The following TBC1D5 variants were observed in gnomAD, a reference collection of about 807,000 sequenced individuals.
The protein encoded by TBC1D5 is TBC1 domain family member 5, also known as TBC1 domain family, member 5.
A neutral mutation model predicts 100.3 loss-of-function variants in TBC1D5; 75 were observed. The ratio of observed to expected loss-of-function variants is 0.75; its 90% CI spans 0.62 to 0.91. TBC1D5 has a LOEUF of 0.91. TBC1D5 is among the 40% of genes least tolerant of loss of function. The pLI is 0.00. For missense variants in TBC1D5, 910 were observed against 942.4 expected (o/e 0.97, Z 0.45); for synonymous variants, 323 against 325.6 (o/e 0.99, Z 0.09).
chr3:17,327,688 C>T (rs898484705), intron 13 of TBC1D5, among the ~76,000 whole-genome samples: 1 of 152,068 alleles, frequency 6.6e-6, no homozygotes, highest in African/African-American at 2.4e-5. Context: ...AGATCCCTTC[C>T]CTATTTATTT....
chr3:17,467,906 C>T (rs1185885931), intron 3 of TBC1D5, among the ~76,000 whole-genome samples: 1 of 152,086 alleles, frequency 6.6e-6, no homozygotes, highest in African/African-American at 2.4e-5. Flanking sequence ...CATGACAACT[C>T]CCCTTCCCCC....
At chr3:17,258,546 A>C in exon 16 of TBC1D5, 1 of 1,612,912 alleles carries the variant, frequency 6.2e-7, no homozygotes, top group South Asian at 1.1e-5. Context: ...GCTTTGTAAT[A>C]ATCTAAATTT....
chr3:17,598,345 T>C (rs2060709955), intron 2 of TBC1D5, among the ~76,000 whole-genome samples: 1 of 152,228 alleles, frequency 6.6e-6, no homozygotes, highest in Non-Finnish European at 1.5e-5. Context: ...AGTATGTCCT[T>C]GGAACTAAGA....
exon 5 of TBC1D5, chr3:17,406,433 G>T (rs764217960): frequency 1.2e-6 from 2 of 1,608,850 alleles, no homozygotes; most frequent in Non-Finnish European, 1.7e-6. Flanking sequence ...AGCAAATGCT[G>T]CGGAACCTGC....
At chr3:17,184,990 T>C (rs2068852797) in intron 19 of TBC1D5, 119 bp downstream of exon 20, 3 of 743,004 alleles carry the variant, frequency 4.0e-6, no homozygotes, top group Admixed American at 5.2e-5. Context: ...ATAGCTGTTG[T>C]AAGGATTAAA....
At chr3:17,175,419 G>A (rs2067611699) in intron 19 of TBC1D5, among the ~76,000 whole-genome samples, 1 of 152,158 alleles carries the variant, frequency 6.6e-6, no homozygotes, top group Admixed American at 6.5e-5. Context: ...GTGCGCCAGA[G>A]AGTAACATGG....
intron 13 of TBC1D5, among the ~76,000 whole-genome samples, chr3:17,326,334 T>C (rs1259781783): frequency 6.6e-6 from 1 of 152,228 alleles, no homozygotes; most frequent in Non-Finnish European, 1.5e-5. Flanking sequence ...ATGCTATTAG[T>C]TACTATTCAC....
intron 3 of TBC1D5, among the ~76,000 whole-genome samples, chr3:17,490,639 T>C (rs1018045860): frequency 6.6e-6 from 1 of 152,198 alleles, no homozygotes; most frequent in Non-Finnish European, 1.5e-5. Context: ...TGCAGTCTTA[T>C]ATCTGAGTTC....
intron 5 of TBC1D5, 80 bp downstream of exon 5, chr3:17,406,338 G>C (rs928494691): frequency 2.4e-6 from 3 of 1,266,308 alleles, no homozygotes; most frequent in African/African-American, 3.0e-5. Context: ...GTGATCCCCT[G>C]CATGGCTAAT....
chr3:17,647,607 A>C (rs1160767619), intron 1 of TBC1D5, among the ~76,000 whole-genome samples: 2 of 152,164 alleles, frequency 1.3e-5, no homozygotes, highest in African/African-American at 4.8e-5. Context: ...GCAGACTTGC[A>C]GTACTGAAAG....
intron 14 of TBC1D5, among the ~76,000 whole-genome samples, 167 bp from the exon 15 acceptor site, chr3:17,292,168 G>A (rs1242710076): frequency 1.3e-5 from 2 of 152,170 alleles, no homozygotes; most frequent in South Asian, 2.1e-4. Flanking sequence ...TGCCTTTGAA[G>A]GAACACATTG....
At chr3:17,584,016 G>A (rs1280201766) in intron 2 of TBC1D5, among the ~76,000 whole-genome samples, 1 of 152,126 alleles carries the variant, frequency 6.6e-6, no homozygotes, top group Non-Finnish European at 1.5e-5. Context: ...GAAAAGTAAT[G>A]AAGTAATAAT....
intron 2 of TBC1D5, among the ~76,000 whole-genome samples, chr3:17,597,097 T>C (rs1158829360): frequency 6.6e-6 from 1 of 152,258 alleles, no homozygotes; most frequent in Non-Finnish European, 1.5e-5. Context: ...TGAAGTTATA[T>C]GTAGGCAGCT....
chr3:17,385,313 G>A (rs2093107419), intron 8 of TBC1D5, among the ~76,000 whole-genome samples: 1 of 152,064 alleles, frequency 6.6e-6, no homozygotes, highest in Non-Finnish European at 1.5e-5. Context: ...GGGAGAAAAT[G>A]TGAGAGAGTA....
Position 17,293,291 on chromosome 3 carries a change from T to A in TBC1D5, c.1139-1290A>T, listed in dbSNP as rs554539919. The stretch of plus-strand genomic sequence containing the variant: ...AGCTAAGATACTGAGAACAGTATAA[T>A]GGTTTTATGTACAGATTTCTTTGAG... On this transcript the variant is annotated intron_variant, in intron 14 of 21. Coordinates refer to ENST00000253692, the Ensembl canonical transcript of TBC1D5. 1.7e-4 allele frequency among the ~76,000 whole-genome samples: 26 copies of A among 152,358 alleles called. 2 individuals carry two copies. The South Asian group carries it at 3.7e-3, about 22-fold the overall frequency.
intron 14 of TBC1D5, among the ~76,000 whole-genome samples, chr3:17,302,498 C>T (rs541772457): frequency 6.6e-6 from 1 of 152,256 alleles, no homozygotes; most frequent in East Asian, 1.9e-4. Flanking sequence ...CAATTCAGCC[C>T]ATAATGGGCC....
chr3:17,198,975 C>T (rs570431202), intron 18 of TBC1D5, among the ~76,000 whole-genome samples: 23 of 152,096 alleles, frequency 1.5e-4, no homozygotes, highest in African/African-American at 3.9e-4. Flanking sequence ...TCCTTGTTAC[C>T]GGAATCAGTG....
At chr3:17,177,285 G>A (rs899817048) in intron 19 of TBC1D5, among the ~76,000 whole-genome samples, 1 of 152,180 alleles carries the variant, frequency 6.6e-6, no homozygotes, top group Non-Finnish European at 1.5e-5. Context: ...AAGCTAGTGT[G>A]TAGTTTGCTA....
At chr3:17,665,895 A>C (rs917889436) in intron 1 of TBC1D5, among the ~76,000 whole-genome samples, 1 of 152,134 alleles carries the variant, frequency 6.6e-6, no homozygotes, top group African/African-American at 2.4e-5. Context: ...TTTAATATAG[A>C]GGGTCTTTTG....
Sources: allele counts gnomAD v4.1 joint callset (sites outside exome capture counted in the v4.1 genomes callset), GRCh38; gene constraint gnomAD v4.1.1; transcripts MANE v1.5; gene names NCBI Gene and HGNC (gene_info 2026-07-23, HGNC 2026-07-21).